Variants in PHLDB2 observed in about 807,000 individuals in gnomAD.
PHLDB2 encodes pleckstrin homology like domain family B member 2, also known as pleckstrin homology-like domain family B member 2.
Under a neutral mutation model 123.6 loss-of-function variants are expected in PHLDB2, and 71 were observed. The ratio of observed to expected loss-of-function variants is 0.57; its 90% confidence interval spans 0.47 to 0.70. The LOEUF is 0.70. Among genes scored for constraint, PHLDB2 ranks in the 30% least tolerant of loss-of-function variants. The pLI is 0.00. For synonymous variants in PHLDB2, 547 were observed against 541.6 expected (o/e 1.01, Z -0.14); for missense variants, 1,446 against 1,519.5 (o/e 0.95, Z 0.80).
At chr3:111,971,706 G>A (rs575480198) in intron 16 of PHLDB2, among the ~76,000 whole-genome samples, 7 of 152,144 alleles carry the variant, frequency 4.6e-5, no homozygotes, top group South Asian at 2.1e-4. Flanking sequence ...CATCCAGATC[G>A]CAATTTACGC....
intron 2 of PHLDB2, among the ~76,000 whole-genome samples, chr3:111,888,675 G>A (rs1484431479): frequency 2.0e-5 from 3 of 152,146 alleles, no homozygotes; most frequent in Non-Finnish European, 2.9e-5. Flanking sequence ...TCCAAGATCA[G>A]TCTGTCATTT....
chr3:111,917,435 G>A (rs2068244744), intron 3 of PHLDB2: 1 of 152,166 alleles, frequency 6.6e-6, no homozygotes, highest in Admixed American at 6.5e-5. Context: ...AACCTAATAT[G>A]TAATCTTGAC....
intron 16 of PHLDB2, among the ~76,000 whole-genome samples, chr3:111,972,744 A>G (rs2072290393): frequency 1.3e-5 from 2 of 152,136 alleles, no homozygotes; most frequent in African/African-American, 4.8e-5. Context: ...ATTTCATTGT[A>G]TGACTGGTCT....
chr3:111,822,040 AG>A (rs1225245333), intron 1 of PHLDB2, among the ~76,000 whole-genome samples: 1 of 152,132 alleles, frequency 6.6e-6, no homozygotes, highest in Non-Finnish European at 1.5e-5. Flanking sequence ...ACATTTCTAC[AG>A]GAAGAGTTTG....
chr3:111,952,229 G>T (rs529123780), intron 10 of PHLDB2, among the ~76,000 whole-genome samples: 2 of 152,290 alleles, frequency 1.3e-5, no homozygotes, highest in Non-Finnish European at 2.9e-5. Context: ...CCCGGAAGGG[G>T]AGAAAGTGCT....
At chr3:111,937,200 A>G (rs939578870) in intron 6 of PHLDB2, among the ~76,000 whole-genome samples, 3 of 152,234 alleles carry the variant, frequency 2.0e-5, no homozygotes, top group Non-Finnish European at 4.4e-5. Flanking sequence ...TAGCTCTTCT[A>G]TGAATCATCC....
chr3:111,740,355 TGAGAGAGA>T (rs71131974), intron 1 of PHLDB2, among the ~76,000 whole-genome samples: 5 of 150,352 alleles, frequency 3.3e-5, no homozygotes, highest in African/African-American at 7.3e-5. Context: ...TCATTAAATA[TGAGAGAGA>T]GAGAGAGAGA....
intron 13 of PHLDB2, 88 bp from the exon 14 acceptor site, chr3:111,966,524 TG>T (rs766446456): frequency 2.0e-6 from 1 of 501,550 alleles, no homozygotes; most frequent in African/African-American, 3.5e-5. Context: ...TGTGTGTGTC[TG>T]GGGTGTGTGT....
chr3:111,898,457 A>G (rs1456429416), intron 2 of PHLDB2, among the ~76,000 whole-genome samples: 1 of 152,124 alleles, frequency 6.6e-6, no homozygotes, highest in African/African-American at 2.4e-5. Flanking sequence ...TGCTGGGATT[A>G]CAGGTGTGAG....
At chr3:111,834,055 A>ACT (rs796992166) in intron 1 of PHLDB2, among the ~76,000 whole-genome samples, 2 of 14,818 alleles carry the variant, frequency 1.3e-4, no homozygotes, top group African/African-American at 5.4e-4. Context: ...AATTATATAT[A>ACT]ATATATGTAA....
At chr3:111,952,466 C>T (rs569254034) in intron 10 of PHLDB2, 106 bp from the exon 11 acceptor site, 4 of 1,265,742 alleles carry the variant, frequency 3.2e-6, no homozygotes, top group Non-Finnish European at 4.3e-6. Context: ...AAGAAAAATT[C>T]TGTTAAAATT....
At chr3:111,774,913 C>T (rs1013839342) in intron 1 of PHLDB2, among the ~76,000 whole-genome samples, 1 of 152,086 alleles carries the variant, frequency 6.6e-6, no homozygotes, top group South Asian at 2.1e-4. Context: ...AAAATACTCT[C>T]GATGGATTGG....
chr3:111,787,207 A>T (rs2060719063), intron 1 of PHLDB2, among the ~76,000 whole-genome samples: 1 of 152,186 alleles, frequency 6.6e-6, no homozygotes, highest in Admixed American at 6.5e-5. Flanking sequence ...TATCTCAAAT[A>T]TACCCCAAGA....
intron 1 of PHLDB2, among the ~76,000 whole-genome samples, chr3:111,822,313 GTGTGTA>G (rs1181121435): frequency 6.7e-6 from 1 of 149,688 alleles, no homozygotes; most frequent in Non-Finnish European, 1.5e-5. Flanking sequence ...GTGTGTGTGT[GTGTGTA>G]TATATATATA....
intron 1 of PHLDB2, among the ~76,000 whole-genome samples, chr3:111,817,209 G>A (rs1576718093): frequency 6.6e-6 from 1 of 152,204 alleles, no homozygotes; most frequent in Non-Finnish European, 1.5e-5. Flanking sequence ...TATTCATGAG[G>A]GATCCACCCA....
At chr3:111,756,873 G>C (rs1156378840) in intron 1 of PHLDB2, among the ~76,000 whole-genome samples, 1 of 152,028 alleles carries the variant, frequency 6.6e-6, no homozygotes, top group Non-Finnish European at 1.5e-5. Context: ...GCATTTGCTT[G>C]TCTGTAAAGT....
intron 5 of PHLDB2, among the ~76,000 whole-genome samples, chr3:111,926,096 A>T (rs1228661055): frequency 6.6e-6 from 1 of 152,240 alleles, no homozygotes; most frequent in Non-Finnish European, 1.5e-5. Flanking sequence ...TTTTGTAGCC[A>T]TCCTAGCCTG....
intron 1 of PHLDB2, among the ~76,000 whole-genome samples, chr3:111,883,686 A>G (rs2066042764): frequency 6.6e-6 from 1 of 152,258 alleles, no homozygotes; most frequent in Non-Finnish European, 1.5e-5. Context: ...AGGAAAGTCC[A>G]TTGCATTATG....
rs1240318917 is a variant in PHLDB2 at position 111,911,823 on chromosome 3, C to T, written c.1336-1496C>T. On this transcript the variant is annotated intron_variant, in intron 2 of 17. Coordinates refer to ENST00000431670, the MANE Select transcript of PHLDB2 (RefSeq NM_001134438.2). ...ATTACTTTAGAGGGCAAATGTAAGT[C>T]AGATACACCTTAAATATCTGTCTTG... is the stretch of plus-strand genomic sequence containing the variant. 20 of 898,922 alleles carry T rather than the reference C, an allele frequency of 2.2e-5. 1 individual carries two copies. The Admixed American group carries it at 4.0e-4, about 18-fold the overall frequency. 55.7% of individuals were successfully genotyped at this position (898,922 alleles called of 1,614,324 possible).
Sources: allele counts gnomAD v4.1 joint callset (sites outside exome capture counted in the v4.1 genomes callset), GRCh38; gene constraint gnomAD v4.1.1; transcripts MANE v1.5; gene names NCBI Gene and HGNC (gene_info 2026-07-23, HGNC 2026-07-21).